CAMTA1: variants seen among roughly 807,000 people sequenced by gnomAD.
CAMTA1 encodes calmodulin binding transcription activator 1.
CAMTA1 carries 27 observed loss-of-function variants against 170.9 expected under a neutral mutation model. The ratio of observed to expected loss-of-function variants is 0.16; its 90% CI spans 0.12 to 0.22. CAMTA1 has a LOEUF of 0.22. Ranked by LOEUF, CAMTA1 falls within the 10% of genes least tolerant of loss-of-function variation. CAMTA1 has a pLI of 1.00. For synonymous variants in CAMTA1, 833 were observed against 891.5 expected (o/e 0.93, Z 1.17); for missense variants, 1,619 against 2,217.2 (o/e 0.73, Z 5.42).
At chr1:7,610,262 T>G (rs1431186266) in intron 6 of CAMTA1, among the ~76,000 whole-genome samples, 1 of 152,214 alleles carries the variant, frequency 6.6e-6, no homozygotes, top group Non-Finnish European at 1.5e-5. Context: ...AGCTGGGATA[T>G]CTGGGTCCTG....
chr1:7,318,450 A>G (rs1254016504), intron 5 of CAMTA1, among the ~76,000 whole-genome samples: 4 of 152,192 alleles, frequency 2.6e-5, no homozygotes, highest in Non-Finnish European at 5.9e-5. Context: ...AGCCATTTTC[A>G]GGGGATATTT....
intron 2 of CAMTA1, among the ~76,000 whole-genome samples, chr1:6,822,186 C>T (rs972109735): frequency 6.6e-6 from 1 of 152,146 alleles, no homozygotes; most frequent in Non-Finnish European, 1.5e-5. Context: ...CTTAATTTTA[C>T]TGTTCACTCA....
At chr1:7,622,093 A>AC (rs2095602669) in intron 6 of CAMTA1, among the ~76,000 whole-genome samples, 1 of 152,194 alleles carries the variant, frequency 6.6e-6, no homozygotes, top group Non-Finnish European at 1.5e-5. Flanking sequence ...CCCTGGAGGT[A>AC]TGGGGGGAGG....
At chr1:7,693,446 G>A (rs533397014) in intron 11 of CAMTA1, 12 of 152,328 alleles carry the variant, frequency 7.9e-5, no homozygotes, top group African/African-American at 2.9e-4. Flanking sequence ...CACCTGTCAA[G>A]TTAAAGGGAG....
Position 7,732,736 on chromosome 1 carries a change from T to C in CAMTA1, c.3066+137T>C. On this transcript the variant is annotated intron_variant, in intron 12 of 22. Coordinates refer to ENST00000303635, the MANE Select transcript of CAMTA1 (RefSeq NM_015215.4). The surrounding 1 kb of genome is among the most constrained non-coding windows in gnomAD (Gnocchi z 4.1). Reference sequence around the variant, plus strand: ...AGGCAGAAGGCCTGAGGGAGTACTTTACGGTACCTGTGCTTTTAAGCATTA... The same window carrying C: ...AGGCAGAAGGCCTGAGGGAGTACTTCACGGTACCTGTGCTTTTAAGCATTA... 3 of 1,235,786 alleles carry C rather than the reference T, an allele frequency of 2.4e-6. No homozygotes were observed. The highest frequency in any genetic ancestry group is 3.3e-6 in the Non-Finnish European group (3 of 907,206). 76.6% of individuals were successfully genotyped at this position (1,235,786 alleles called of 1,614,324 possible).
chr1:7,390,468 A>G (rs6658978), intron 5 of CAMTA1, among the ~76,000 whole-genome samples: 9,964 of 152,258 alleles, frequency 0.065, 1,100 homozygotes, highest in African/African-American at 0.22. Context: ...TGCCAACGCC[A>G]GTACCAGTGC....
Position 7,720,689 on chromosome 1 carries a change from G to A in CAMTA1, c.2915-11759G>A, listed in dbSNP as rs960386048. Among the ~76,000 whole-genome samples, 7 of 152,294 alleles carry A rather than the reference G, an allele frequency of 4.6e-5. No individual in the cohort carries two copies. In the East Asian group the frequency reaches 1.3e-3, roughly 29 times the overall value. ...AGCCACCAGGCCAAAGTTAGGGTTT[G>A]GTATTTTTCATGAGAAACTCAGTGG... On this transcript the variant is annotated intron_variant, in intron 11 of 22. Transcript: ENST00000303635.
At chr1:7,600,724 C>T (rs2095433891) in intron 6 of CAMTA1, among the ~76,000 whole-genome samples, 1 of 151,978 alleles carries the variant, frequency 6.6e-6, no homozygotes, top group Admixed American at 6.5e-5. Flanking sequence ...TTTAACAAAG[C>T]ACATCTTGCA....
chr1:7,167,020 A>G (rs1020211650), intron 4 of CAMTA1, among the ~76,000 whole-genome samples: 2 of 152,036 alleles, frequency 1.3e-5, no homozygotes, highest in Admixed American at 6.6e-5. Context: ...CATGTTGGCC[A>G]GACTGTTCTC....
Position 7,738,596 on chromosome 1 carries a change from T to G in CAMTA1, c.4182+114T>G. The stretch of plus-strand genomic sequence containing the variant: ...TTTCCTCCCCGTGAAGCCTTCGAAG[T>G]TGGCTTTGTGCAGAACATCGTTGGA... On this transcript the variant is annotated intron_variant, in intron 16 of 22. Transcript: ENST00000303635. This position sits in a 1 kb window ranked among gnomAD's most constrained non-coding sequence, Gnocchi z 4.9. The G allele has an allele frequency of 8.2e-7, 1 of 1,213,564 alleles. No homozygotes were observed. The highest frequency in any genetic ancestry group is 1.1e-6 in the Non-Finnish European group (1 of 886,742). The allele number at this position is 1,213,564 out of a possible 1,614,324, so 75.2% of individuals were successfully genotyped here.
chr1:7,437,872 C>T (rs998204575), intron 5 of CAMTA1, among the ~76,000 whole-genome samples: 5 of 152,204 alleles, frequency 3.3e-5, no homozygotes, highest in East Asian at 3.8e-4. Flanking sequence ...TGAAGCAGGC[C>T]GCACGACAGC....
intron 4 of CAMTA1, among the ~76,000 whole-genome samples, chr1:7,125,498 C>T (rs1397368044): frequency 6.6e-6 from 1 of 152,178 alleles, no homozygotes; most frequent in Non-Finnish European, 1.5e-5. Flanking sequence ...TGGCATAAAA[C>T]ATGGCAGTTG....
intron 3 of CAMTA1, among the ~76,000 whole-genome samples, chr1:6,906,354 C>A (rs1678476000): frequency 6.6e-6 from 1 of 152,160 alleles, no homozygotes; most frequent in Non-Finnish European, 1.5e-5. Flanking sequence ...CTGATGCTAG[C>A]TACTTAGAGA....
chr1:7,556,830 C>T (rs899625651), intron 6 of CAMTA1, among the ~76,000 whole-genome samples: 3 of 152,146 alleles, frequency 2.0e-5, no homozygotes, highest in African/African-American at 7.2e-5. Context: ...AAAAGGGCCA[C>T]CCCACTCAGA....
intron 3 of CAMTA1, among the ~76,000 whole-genome samples, chr1:6,897,104 G>C (rs1200098603): frequency 6.6e-6 from 1 of 152,188 alleles, no homozygotes; most frequent in Non-Finnish European, 1.5e-5. Context: ...TTTGACCAGA[G>C]CTGAAGATGC....
intron 5 of CAMTA1, among the ~76,000 whole-genome samples, chr1:7,384,975 C>T (rs1214555480): frequency 6.6e-6 from 1 of 152,130 alleles, no homozygotes; most frequent in Non-Finnish European, 1.5e-5. Flanking sequence ...CCTGTGTGAG[C>T]TCCCAGGATA....
At chr1:7,162,538 A>G (rs749120005) in intron 4 of CAMTA1, among the ~76,000 whole-genome samples, 1 of 152,262 alleles carries the variant, frequency 6.6e-6, no homozygotes, top group South Asian at 2.1e-4. Flanking sequence ...TGGACATTTT[A>G]TATAAAAAGA....
rs963812297 is a variant in CAMTA1 at position 7,443,325 on chromosome 1, G to A, written c.439-24505G>A. ...CCATCGCATGCTCAGCCCCAGCATC[G>A]GGCCTGGCCCATGGCAAGCCTAGCT... On this transcript the variant is annotated intron_variant, in intron 5 of 22. Transcript: ENST00000303635. The surrounding 1 kb of genome is among the most constrained non-coding windows in gnomAD (Gnocchi z 4.1). Among the ~76,000 whole-genome samples, 3 of 152,174 alleles carry A rather than the reference G, an allele frequency of 2.0e-5. 1 individual carries two copies. The highest frequency in any genetic ancestry group is 4.1e-4 in the South Asian group (2 of 4,828).
intron 5 of CAMTA1, among the ~76,000 whole-genome samples, chr1:7,402,572 G>A (rs1428156886): frequency 6.6e-6 from 1 of 152,190 alleles, no homozygotes; most frequent in African/African-American, 2.4e-5. Flanking sequence ...CGTGATGGGG[G>A]CTTAACAAAT....
Sources: allele counts gnomAD v4.1 joint callset (sites outside exome capture counted in the v4.1 genomes callset), GRCh38; gene constraint gnomAD v4.1.1; non-coding constraint Gnocchi (gnomAD v3.1); transcripts MANE v1.5; gene names NCBI Gene and HGNC (gene_info 2026-07-23, HGNC 2026-07-21).